The following SLC13A3 variants were observed in gnomAD, a reference collection of about 807,000 sequenced individuals.
SLC13A3 encodes solute carrier family 13 member 3.
SLC13A3 carries 40 observed loss-of-function variants against 59.0 expected under a neutral mutation model. That is an observed-to-expected ratio of 0.68 (90% CI 0.53 to 0.88). SLC13A3 has a LOEUF of 0.88. Among genes scored for constraint, SLC13A3 ranks in the 40% least tolerant of loss-of-function variants. SLC13A3 has a pLI of 0.00. For missense variants in SLC13A3, 699 were observed against 783.2 expected (o/e 0.89, Z 1.28); for synonymous variants, 317 against 330.3 (o/e 0.96, Z 0.44).
intron 1 of SLC13A3, among the ~76,000 whole-genome samples, chr20:46,630,152 A>G (rs1600585233): frequency 6.6e-6 from 1 of 152,342 alleles, no homozygotes; most frequent in South Asian, 2.1e-4. Flanking sequence ...ACTCAATGCG[A>G]AGACCCAAGA....
At chr20:46,662,819 G>A (rs1287523575) in intron 1 of SLC13A3, among the ~76,000 whole-genome samples, 4 of 152,136 alleles carry the variant, frequency 2.6e-5, no homozygotes, top group Non-Finnish European at 5.9e-5. Context: ...ATCTAGGAAG[G>A]GGTAAAAATT....
At chr20:46,602,992 A>G (rs937047168) in intron 3 of SLC13A3, among the ~76,000 whole-genome samples, 5 of 152,098 alleles carry the variant, frequency 3.3e-5, no homozygotes, top group African/African-American at 1.2e-4. Flanking sequence ...CAGCCTGACC[A>G]ACATGGAGAA....
intron 4 of SLC13A3, among the ~76,000 whole-genome samples, chr20:46,598,400 C>T (rs2062336916): frequency 6.6e-6 from 1 of 152,128 alleles, no homozygotes; most frequent in Admixed American, 6.5e-5. Flanking sequence ...CAGAAAGGGC[C>T]CTAGAGTTTA....
intron 4 of SLC13A3, among the ~76,000 whole-genome samples, chr20:46,598,799 C>G (rs183607784): frequency 0.018 from 2,588 of 147,252 alleles, 36 homozygotes; most frequent in Non-Finnish European, 0.026. Flanking sequence ...ATCACTCTCT[C>G]CCCCCCGAAG....
chr20:46,623,856 C>A (rs180722991), intron 1 of SLC13A3, among the ~76,000 whole-genome samples: 1 of 152,150 alleles, frequency 6.6e-6, no homozygotes, highest in Non-Finnish European at 1.5e-5. Context: ...GACATGGAGG[C>A]AAACAGGAAA....
At chr20:46,635,090 GTC>G (rs935045223) in intron 1 of SLC13A3, among the ~76,000 whole-genome samples, 8 of 152,190 alleles carry the variant, frequency 5.3e-5, no homozygotes, top group Admixed American at 3.9e-4. Flanking sequence ...CCAAGGATCA[GTC>G]TCCTGGAAAA....
chr20:46,631,324 C>A (rs533183852), intron 1 of SLC13A3, among the ~76,000 whole-genome samples: 1 of 152,170 alleles, frequency 6.6e-6, no homozygotes, highest in Non-Finnish European at 1.5e-5. Flanking sequence ...AGTGGAGAAA[C>A]CCTGGTCTAA....
intron 9 of SLC13A3, chr20:46,582,549 G>T: frequency 1.3e-6 from 1 of 751,350 alleles, no homozygotes; most frequent in Middle Eastern, 6.7e-4. Flanking sequence ...ACTGCGCTGA[G>T]CTGTGATGGT....
intron 1 of SLC13A3, among the ~76,000 whole-genome samples, chr20:46,630,245 C>A (rs1355225992): frequency 6.6e-6 from 1 of 152,212 alleles, no homozygotes; most frequent in African/African-American, 2.4e-5. Context: ...TACAGCCATA[C>A]AGGTGATCAC....
intron 1 of SLC13A3, among the ~76,000 whole-genome samples, chr20:46,679,285 C>T (rs953201028): frequency 2.6e-5 from 4 of 152,122 alleles, no homozygotes; most frequent in Non-Finnish European, 5.9e-5. Flanking sequence ...GGCCGGGTGC[C>T]ATGGCTCATG....
In SLC13A3 at chr20:46,575,598, C is replaced by G. The variant is rs2062068104; in HGVS notation, c.1307G>C (p.Gly436Ala). 1 of 1,604,586 alleles carries G rather than the reference C, an allele frequency of 6.2e-7. No homozygotes were observed. Among genetic ancestry groups the G allele is most frequent in the Non-Finnish European group, 8.5e-7 (1 of 1,175,254 alleles). The stretch of plus-strand genomic sequence containing the variant: ...CTCACAGCCTTTGGCCATGGCGAAG[C>G]CCCCTCCCAGGAGAAGGATGATGTT... ...PWNIILLLGG[G>A]FAMAKGCEES... The change falls in exon 10 of 13, where the codon GGC (glycine) becomes GCC (alanine). Residue 436 changes from glycine to alanine, a missense_variant. By Grantham distance (60) the Gly-to-Ala change is moderately conservative. Transcript: ENST00000279027.
intron 1 of SLC13A3, among the ~76,000 whole-genome samples, chr20:46,622,621 CGTGTGTGT>C (rs11469544): frequency 0.075 from 10,007 of 133,990 alleles, 350 homozygotes; most frequent in Admixed American, 0.12. Flanking sequence ...GTGGTGTGTG[CGTGTGTGT>C]GTGTGTGTGT....
intron 9 of SLC13A3, among the ~76,000 whole-genome samples, chr20:46,577,084 G>GGTGT (rs2062085539): frequency 7.0e-6 from 1 of 143,252 alleles, no homozygotes; most frequent in African/African-American, 2.6e-5. Flanking sequence ...GAAGCCCACA[G>GGTGT]ATGTATGAAG....
intron 4 of SLC13A3, 68 bp from the exon 5 acceptor site, chr20:46,596,410 T>G (rs938595075): frequency 6.9e-7 from 1 of 1,442,422 alleles, no homozygotes; most frequent in African/African-American, 1.4e-5. Flanking sequence ...GCCTGGGAGT[T>G]GGGGAGCTAA....
intron 3 of SLC13A3, among the ~76,000 whole-genome samples, chr20:46,606,551 G>A (rs1192783312): frequency 6.6e-6 from 1 of 152,122 alleles, no homozygotes; most frequent in East Asian, 1.9e-4. Flanking sequence ...CAAAAGCCAG[G>A]TGGAAGGCCA....
At chr20:46,641,921 C>T (rs981001300) in intron 1 of SLC13A3, among the ~76,000 whole-genome samples, 4 of 152,148 alleles carry the variant, frequency 2.6e-5, no homozygotes, top group Non-Finnish European at 4.4e-5. Flanking sequence ...CCCTAATCAC[C>T]CCAGAGCCAG....
chr20:46,588,225 C>T lies in SLC13A3; in HGVS notation c.1017-62G>A, dbSNP rs2062214542. The stretch of plus-strand genomic sequence containing the variant: ...GGTTTCAGGCAGACCGCAGCAGGCA[C>T]AGGCTCAGGCAGCTGCCCACTGGGA... On this transcript the variant is annotated intron_variant, in intron 7 of 12. Transcript: ENST00000279027. 2.6e-5 allele frequency: 26 copies of T among 992,322 alleles called. No individual in the cohort carries two copies. The South Asian group carries it at 3.8e-4, about 14-fold the overall frequency. 61.5% of individuals were successfully genotyped at this position (992,322 alleles called of 1,614,324 possible). A position where few individuals can be genotyped will look rare whatever the true frequency, so the allele number is the denominator to read the frequency against.
intron 10 of SLC13A3, among the ~76,000 whole-genome samples, chr20:46,568,797 C>T (rs990442402): frequency 2.7e-4 from 41 of 152,324 alleles, no homozygotes; most frequent in Admixed American, 9.2e-4. Context: ...AAGTGAGAAG[C>T]CAGGAGCTGC....
intron 12 of SLC13A3, 60 bp downstream of exon 12, chr20:46,563,354 C>A: frequency 6.3e-7 from 1 of 1,575,644 alleles, no homozygotes; most frequent in Non-Finnish European, 8.6e-7. Flanking sequence ...AGAGGCCTTG[C>A]CCGCCCCCTT....
Sources: gnomAD v4.1 joint callset for allele counts (sites outside exome capture counted in the v4.1 genomes callset) on GRCh38, gnomAD v4.1.1 for gene constraint, MANE v1.5 for transcripts, NCBI Gene and HGNC (gene_info 2026-07-23, HGNC 2026-07-21) for gene names.